The following ANKDD1B variants were observed in gnomAD, a reference collection of about 807,000 sequenced individuals.
ANKDD1B encodes ankyrin repeat and death domain containing 1B.
Under a neutral mutation model 59.7 loss-of-function variants are expected in ANKDD1B, and 57 were observed. That is an observed-to-expected ratio of 0.95 (90% confidence interval 0.77 to 1.19). The LOEUF (loss-of-function observed/expected upper bound fraction) is 1.19. ANKDD1B is among the 50% of genes most tolerant of loss of function. The pLI is 0.00. For missense variants in ANKDD1B, 602 were observed against 641.9 expected (o/e 0.94, Z 0.67); for synonymous variants, 216 against 239.5 (o/e 0.90, Z 0.91).
intron 7 of ANKDD1B, among the ~76,000 whole-genome samples, chr5:75,638,779 C>T (rs1774384595): frequency 6.6e-6 from 1 of 152,160 alleles, no homozygotes; most frequent in African/African-American, 2.4e-5. Flanking sequence ...CTACCATGCA[C>T]AGCTCAAAGG....
chr5:75,613,753 G>A (rs1561428891), intron 1 of ANKDD1B, among the ~76,000 whole-genome samples: 1 of 152,190 alleles, frequency 6.6e-6, no homozygotes, highest in Non-Finnish European at 1.5e-5. Context: ...AGACCTGTTA[G>A]CATGTGTATC....
chr5:75,614,375 A>T (rs767577989), intron 1 of ANKDD1B, among the ~76,000 whole-genome samples: 1 of 152,214 alleles, frequency 6.6e-6, no homozygotes, highest in Non-Finnish European at 1.5e-5. Flanking sequence ...CAAGGCTGCA[A>T]GCAAACCTGC....
At chr5:75,659,193 G>A in intron 9 of ANKDD1B, 90 bp from the exon 10 acceptor site, 2 of 877,234 alleles carry the variant, frequency 2.3e-6, no homozygotes, top group Non-Finnish European at 3.7e-6. Context: ...TATATGACCT[G>A]TGTTTTCCCT....
intron 5 of ANKDD1B, among the ~76,000 whole-genome samples, chr5:75,630,122 CT>C (rs1328258320): frequency 6.6e-6 from 1 of 152,054 alleles, no homozygotes; most frequent in African/African-American, 2.4e-5. Flanking sequence ...AGCTTCCTGC[CT>C]TCCAAGTAAG....
At chr5:75,619,193 C>T (rs190363344) in intron 2 of ANKDD1B, among the ~76,000 whole-genome samples, 153 of 152,268 alleles carry the variant, frequency 1.0e-3, no homozygotes, top group African/African-American at 3.4e-3. Flanking sequence ...GCTTGTATAC[C>T]TGATAACAAA....
At chr5:75,644,159 A>T (rs1181110930) in intron 7 of ANKDD1B, among the ~76,000 whole-genome samples, 1 of 97,668 alleles carries the variant, frequency 1.0e-5, no homozygotes, top group Non-Finnish European at 1.8e-5. Context: ...AAATGTAAAG[A>T]CCATCGAGAC....
In ANKDD1B at chr5:75,611,598, G is replaced by C. The variant is rs1773554988; in HGVS notation, c.-37G>C. 1 of 1,210,038 alleles carries C rather than the reference G, an allele frequency of 8.3e-7. No homozygotes were observed. 75.0% of individuals were successfully genotyped at this position (1,210,038 alleles called of 1,614,324 possible). On this transcript the variant is annotated 5_prime_UTR_variant, in exon 1 of 14. Transcript: ENST00000601380. ...TGGGTCTGGATCTGGGTCCGAGTCT[G>C]GGTCTGGCCCTGCGCTCAGGGCCCG...
At chr5:75,660,638 G>C (rs1775111004) in intron 10 of ANKDD1B, among the ~76,000 whole-genome samples, 2 of 152,332 alleles carry the variant, frequency 1.3e-5, no homozygotes, top group South Asian at 4.1e-4. Context: ...TTAGGTTCCA[G>C]CTTTACTGAA....
chr5:75,630,595 G>C (rs575055307), intron 5 of ANKDD1B, among the ~76,000 whole-genome samples: 4 of 152,140 alleles, frequency 2.6e-5, no homozygotes, highest in African/African-American at 9.7e-5. Context: ...TAGCAACCAC[G>C]GGTAAAAGAA....
intron 8 of ANKDD1B, among the ~76,000 whole-genome samples, chr5:75,654,932 C>G (rs1774928415): frequency 6.6e-6 from 1 of 152,172 alleles, no homozygotes; most frequent in Non-Finnish European, 1.5e-5. Context: ...TGTCCACCTT[C>G]CCCTGGTGCC....
chr5:75,662,206 T>C (rs1030073812), intron 10 of ANKDD1B, among the ~76,000 whole-genome samples: 10 of 152,178 alleles, frequency 6.6e-5, no homozygotes, highest in African/African-American at 1.9e-4. Context: ...AGGCTAATTA[T>C]AGTGATTCAA....
intron 1 of ANKDD1B, among the ~76,000 whole-genome samples, chr5:75,613,075 A>G (rs770966611): frequency 6.6e-6 from 1 of 152,202 alleles, no homozygotes; most frequent in Non-Finnish European, 1.5e-5. Flanking sequence ...TGACGGAGGT[A>G]TGATGACTGG....
At chr5:75,641,655 C>A (rs186188625) in intron 7 of ANKDD1B, among the ~76,000 whole-genome samples, 1 of 152,152 alleles carries the variant, frequency 6.6e-6, no homozygotes, top group Non-Finnish European at 1.5e-5. Context: ...TATATCCACA[C>A]AATATATAAA....
intron 3 of ANKDD1B, among the ~76,000 whole-genome samples, chr5:75,623,137 G>A (rs954712208): frequency 2.6e-5 from 4 of 152,080 alleles, no homozygotes; most frequent in Non-Finnish European, 2.9e-5. Context: ...AGAGTACAAC[G>A]GCGCAATCTT....
chr5:75,650,446 C>T (rs1302025226), intron 7 of ANKDD1B, among the ~76,000 whole-genome samples: 1 of 152,166 alleles, frequency 6.6e-6, no homozygotes, highest in Non-Finnish European at 1.5e-5. Context: ...CTGAGAGCCT[C>T]CAGAAGGGAA....
At position 75,653,198 on chromosome 5, in the gene ANKDD1B, C is replaced by A. The variant is rs187729800; in HGVS notation, c.855C>A (p.Asn285Lys). Residue 285 changes from asparagine to lysine, a missense_variant, in exon 8 of 14, where the codon AAC (asparagine) becomes AAA (lysine). Asn to Lys is a moderately conservative substitution (Grantham distance 94). Coordinates refer to ENST00000601380, the MANE Select transcript of ANKDD1B (RefSeq NM_001276713.2). ...ATRNGHASLV[N>K]FLLSENVDLH... The stretch of plus-strand genomic sequence containing the variant: ...GGAACGGCCATGCATCCCTTGTCAA[C>A]TTTCTTCTCAGTGAGAACGTTGATC... 57 of 1,536,150 alleles carry A rather than the reference C, an allele frequency of 3.7e-5. No homozygotes were observed. The African/African-American group carries it at 6.8e-4, about 18-fold the overall frequency.
At position 75,611,792 on chromosome 5, in the gene ANKDD1B, G is replaced by C; in HGVS notation, c.158G>C (p.Gly53Ala). Residue 53 changes from glycine (G) to alanine (A), a missense_variant, in exon 1 of 14, where the codon GGA becomes GCA. This residue lies in a region of ANKDD1B where 317 missense variants were observed against 304.6 expected (regional missense o/e 1.04). Transcript: ENST00000601380. ...CGGATCCCGAAGCGGGAGGGTCTTGGAGAGGAGGACACAGCAGTTGCCGGA... is the reference window on the plus strand; with the variant it reads ...CGGATCCCGAAGCGGGAGGGTCTTGCAGAGGAGGACACAGCAGTTGCCGGA... ...LSRIPKREGLGEEDTAVAGHE... is the reference protein window; with the variant it reads ...LSRIPKREGLAEEDTAVAGHE... 8.1e-7 allele frequency: 1 copy of C among 1,232,136 alleles called. No homozygotes were observed. The highest frequency in any genetic ancestry group is 4.2e-5 in the Admixed American group (1 of 23,726). The allele number at this position is 1,232,136 out of a possible 1,614,324, so 76.3% of individuals were successfully genotyped here.
chr5:75,623,591 G>A (rs1467668560), intron 3 of ANKDD1B, among the ~76,000 whole-genome samples: 14 of 152,144 alleles, frequency 9.2e-5, no homozygotes, highest in African/African-American at 3.4e-4. Context: ...ACCGTCTAGA[G>A]TGATAGCTGA....
chr5:75,623,019 T>TCAA (rs1773896906), intron 3 of ANKDD1B, among the ~76,000 whole-genome samples: 1 of 152,202 alleles, frequency 6.6e-6, no homozygotes, highest in Non-Finnish European at 1.5e-5. Flanking sequence ...AATTACCTTT[T>TCAA]AGGGAAAAAT....
Sources: gnomAD v4.1 joint callset for allele counts (sites outside exome capture counted in the v4.1 genomes callset) on GRCh38, gnomAD v4.1.1 for gene constraint, gnomAD v4.1.1 regional missense constraint, MANE v1.5 for transcripts, NCBI Gene and HGNC (gene_info 2026-07-23, HGNC 2026-07-21) for gene names.